Variants in ELAPOR2 observed in about 807,000 individuals in gnomAD.
ELAPOR2 encodes the protein endosome/lysosome-associated apoptosis and autophagy regulator family member 2.
A neutral mutation model predicts 120.7 loss-of-function variants in ELAPOR2; 89 were observed. That is an observed-to-expected ratio of 0.74 (90% CI 0.62 to 0.88). The LOEUF (loss-of-function observed/expected upper bound fraction) is 0.88, where lower values mean the gene tolerates loss of function less well. ELAPOR2 is among the 40% of genes least tolerant of loss of function. ELAPOR2 has a pLI of 0.00. For missense variants in ELAPOR2, 1,134 were observed against 1,251.6 expected (o/e 0.91, Z 1.42); for synonymous variants, 444 against 444.9 (o/e 1.00, Z 0.03).
At chr7:86,981,630 C>G (rs1792493208) in intron 1 of ELAPOR2, among the ~76,000 whole-genome samples, 1 of 152,232 alleles carries the variant, frequency 6.6e-6, no homozygotes, top group African/African-American at 2.4e-5. Flanking sequence ...TAGTCATGTG[C>G]AAGCCTCAAC....
intron 21 of ELAPOR2, among the ~76,000 whole-genome samples, chr7:86,886,816 T>C (rs750248064): frequency 1.3e-5 from 2 of 152,120 alleles, no homozygotes; most frequent in African/African-American, 4.8e-5. Flanking sequence ...ACTGACTCAA[T>C]AGGACCCTCG....
chr7:86,893,184 C>A, intron 19 of ELAPOR2, 84 bp from the exon 20 acceptor site: 1 of 1,030,956 alleles, frequency 9.7e-7, no homozygotes, highest in South Asian at 1.7e-5. Flanking sequence ...TGTCACTGGT[C>A]AATTTCTTAC....
Position 86,938,230 on chromosome 7 carries a change from A to G in ELAPOR2, c.1001-16T>C, listed in dbSNP as rs912924892. ...GATCCTTCCTCTGCAACATAAAAAA[A>G]GCGTTTCAGAAATGGGTCAATTATT... On this transcript the variant is annotated splice_polypyrimidine_tract_variant and intron_variant, in intron 7 of 21. Transcript: ENST00000450689. The G allele has an allele frequency of 3.3e-6, 5 of 1,535,796 alleles. No homozygotes were observed. The highest frequency in any genetic ancestry group is 2.4e-5 in the South Asian group (2 of 82,746).
At chr7:87,039,009 T>C (rs1013640112) in intron 1 of ELAPOR2, among the ~76,000 whole-genome samples, 1 of 149,752 alleles carries the variant, frequency 6.7e-6, no homozygotes. Flanking sequence ...TTAAACAAAA[T>C]TGACAAAACT....
chr7:86,997,885 T>C lies in ELAPOR2; in HGVS notation c.190-32861A>G, dbSNP rs1195352925. On this transcript the variant is annotated intron_variant, in intron 1 of 21. Coordinates refer to ENST00000450689, the MANE Select transcript of ELAPOR2 (RefSeq NM_001142749.3). ...GGTTAGCTATGGTACTGAATTACTG[T>C]TTATAAAAAGCCTTTCGTATGTTTT... Among the ~76,000 whole-genome samples, 3 of 152,178 alleles carry C rather than the reference T, an allele frequency of 2.0e-5. No homozygotes were observed. The East Asian group carries it at 5.8e-4, about 29-fold the overall frequency.
At chr7:87,022,001 CA>C (rs1282924331) in intron 1 of ELAPOR2, among the ~76,000 whole-genome samples, 1 of 152,090 alleles carries the variant, frequency 6.6e-6, no homozygotes, top group Non-Finnish European at 1.5e-5. Context: ...GGAATATGAT[CA>C]TTTTCAAATG....
chr7:86,884,415 A>G (rs559887399), intron 21 of ELAPOR2, among the ~76,000 whole-genome samples: 1 of 152,300 alleles, frequency 6.6e-6, no homozygotes, highest in East Asian at 1.9e-4. Context: ...CACAAGTTTG[A>G]ACTGCACAGG....
intron 1 of ELAPOR2, among the ~76,000 whole-genome samples, chr7:87,025,406 G>A (rs118023569): frequency 0.019 from 2,851 of 152,200 alleles, 39 homozygotes; most frequent in Non-Finnish European, 0.029. Flanking sequence ...GTCATAAAAT[G>A]TCAAGCTTGG....
chr7:87,031,011 T>C (rs1794406857), intron 1 of ELAPOR2, among the ~76,000 whole-genome samples: 1 of 152,044 alleles, frequency 6.6e-6, no homozygotes, highest in African/African-American at 2.4e-5. Context: ...TATAAAACCA[T>C]CAGATCGCAT....
chr7:86,918,866 T>G (rs1159781030), intron 11 of ELAPOR2, among the ~76,000 whole-genome samples: 1 of 151,980 alleles, frequency 6.6e-6, no homozygotes, highest in Non-Finnish European at 1.5e-5. Context: ...AACATACTAT[T>G]TTACCAAGAG....
intron 1 of ELAPOR2, among the ~76,000 whole-genome samples, chr7:87,024,100 A>G (rs1794158558): frequency 6.6e-6 from 1 of 152,114 alleles, no homozygotes; most frequent in South Asian, 2.1e-4. Flanking sequence ...TTCCAACACT[A>G]TGTTGAATAG....
intron 1 of ELAPOR2, among the ~76,000 whole-genome samples, chr7:87,049,569 C>T (rs1030222916): frequency 1.3e-5 from 2 of 151,960 alleles, no homozygotes; most frequent in African/African-American, 4.8e-5. Flanking sequence ...GGCGCCTGGC[C>T]GGGATTGCAA....
intron 1 of ELAPOR2, among the ~76,000 whole-genome samples, chr7:87,036,181 G>A (rs1444929471): frequency 6.6e-6 from 1 of 152,108 alleles, no homozygotes; most frequent in Admixed American, 6.6e-5. Context: ...CAATTCAAAT[G>A]TCTCACTGTA....
At chr7:87,031,704 C>A (rs1316571673) in intron 1 of ELAPOR2, among the ~76,000 whole-genome samples, 1 of 152,108 alleles carries the variant, frequency 6.6e-6, no homozygotes, top group Admixed American at 6.6e-5. Flanking sequence ...GGAGTACTCA[C>A]TAGTTAGTAT....
intron 21 of ELAPOR2, among the ~76,000 whole-genome samples, chr7:86,890,502 C>T (rs2115821554): frequency 6.6e-6 from 1 of 152,144 alleles, no homozygotes; most frequent in East Asian, 1.9e-4. Flanking sequence ...ATCATTTCCT[C>T]TGCAAATAGC....
intron 1 of ELAPOR2, among the ~76,000 whole-genome samples, chr7:86,977,915 A>T (rs1767721): frequency 4.6e-5 from 7 of 152,142 alleles, no homozygotes; most frequent in African/African-American, 7.2e-5. Flanking sequence ...TGAGAAAATT[A>T]GAAAATATGG....
At chr7:86,907,044 T>C (rs905429308) in intron 18 of ELAPOR2, among the ~76,000 whole-genome samples, 12 of 152,142 alleles carry the variant, frequency 7.9e-5, no homozygotes, top group African/African-American at 2.7e-4. Context: ...GTTTTCTTGT[T>C]GTTTTCCCAT....
chr7:86,984,687 T>C (rs185482594), intron 1 of ELAPOR2, among the ~76,000 whole-genome samples: 1 of 152,246 alleles, frequency 6.6e-6, no homozygotes, highest in African/African-American at 2.4e-5. Flanking sequence ...TTTAAAGCAG[T>C]GCGTAGAGGG....
At chr7:87,043,621 A>C (rs963160613) in intron 1 of ELAPOR2, among the ~76,000 whole-genome samples, 12 of 146,056 alleles carry the variant, frequency 8.2e-5, no homozygotes, top group Non-Finnish European at 1.8e-4. Context: ...TCAAAATAAT[A>C]AGAGCTATCT....
Sources: gnomAD v4.1 joint callset for allele counts (sites outside exome capture counted in the v4.1 genomes callset) on GRCh38, gnomAD v4.1.1 for gene constraint, MANE v1.5 for transcripts, NCBI Gene and HGNC (gene_info 2026-07-23, HGNC 2026-07-21) for gene names.